Variants in KATNB1 observed in about 807,000 individuals in gnomAD.
KATNB1 encodes the protein katanin p80 WD40 repeat-containing subunit B1.
A neutral mutation model predicts 82.3 loss-of-function variants in KATNB1; 38 were observed. The observed-to-expected ratio is 0.46, with a 90% CI of 0.36 to 0.61. KATNB1 has a LOEUF of 0.61. Ranked by LOEUF, KATNB1 falls within the 20% of genes least tolerant of loss-of-function variation. The probability of loss-of-function intolerance (pLI) is 0.00; values close to 1 mark genes in which losing one functional copy is unlikely to be tolerated. For synonymous variants in KATNB1, 361 were observed against 368.7 expected, an observed-to-expected ratio of 0.98 and a Z score of 0.24; for missense variants, 749 against 915.7, an observed-to-expected ratio of 0.82 and a Z score of 2.35.
At chr16:57,752,485 A>T in intron 8 of KATNB1, 45 bp from the exon 9 acceptor site, 1 of 1,526,418 alleles carries the variant, frequency 6.6e-7, no homozygotes, top group East Asian at 2.4e-5. Context: ...TGTGGAGGCC[A>T]GGATGAGGGA....
At chr16:57,755,037 G>C (rs782177076) in intron 14 of KATNB1, 40 bp downstream of exon 14, 5 of 1,613,594 alleles carry the variant, frequency 3.1e-6, no homozygotes, top group Middle Eastern at 1.6e-4. Flanking sequence ...GCCTAGAGAA[G>C]GTCCTGACCC....
chr16:57,738,320 A>G (rs551782768), intron 2 of KATNB1, among the ~76,000 whole-genome samples: 1 of 151,296 alleles, frequency 6.6e-6, no homozygotes, highest in East Asian at 2.0e-4. Context: ...CAGTGGTGCA[A>G]TCTCAGCTCA....
Position 57,751,203 on chromosome 16 carries a change from T to C in KATNB1, c.391-58T>C. ...GTCTGCTCACGACTGCACACCTTCC[T>C]CCAGTCGTGGCTCTGACCTCTCCTG... On this transcript the variant is annotated intron_variant, in intron 5 of 19. Coordinates refer to ENST00000379661, the MANE Select transcript of KATNB1 (RefSeq NM_005886.3). The surrounding 1 kb of genome is among the most constrained non-coding windows in gnomAD (Gnocchi z 6.3). 6.5e-7 allele frequency: 1 copy of C among 1,536,528 alleles called. No homozygotes were observed. Among genetic ancestry groups the C allele is most frequent in the South Asian group, 1.1e-5 (1 of 89,428 alleles).
At chr16:57,755,718 G>A in intron 16 of KATNB1, 123 bp from the exon 17 acceptor site, 4 of 1,013,228 alleles carry the variant, frequency 3.9e-6, no homozygotes, top group Non-Finnish European at 5.7e-6. Flanking sequence ...TGCGTTAGGT[G>A]CAGTGCTGAA....
In KATNB1 at chr16:57,756,345, T is replaced by TC. The variant is rs1555586414; in HGVS notation, c.1719-6dup. 6.2e-7 allele frequency: 1 copy of TC among 1,607,858 alleles called. No individual in the cohort carries two copies. Among genetic ancestry groups the TC allele is most frequent in the African/African-American group, 1.3e-5 (1 of 74,680 alleles). On this transcript the variant is annotated splice_polypyrimidine_tract_variant and intron_variant, in intron 18 of 19. Coordinates refer to ENST00000379661, the MANE Select transcript of KATNB1 (RefSeq NM_005886.3). ...TGGTCCATCTGTGACTTCATCCATC[T>TC]CCCCCTAAAGCTACGTCCAGACGGG... is the stretch of plus-strand genomic sequence containing the variant.
rs1371345054 is a variant in KATNB1, at chr16:57,750,933, A to AGGCC, written c.390+9_390+12dup. On this transcript the variant is annotated splice_region_variant and intron_variant, in intron 5 of 19. Coordinates refer to ENST00000379661, the MANE Select transcript of KATNB1 (RefSeq NM_005886.3). Reference sequence around the variant, plus strand: ...CCCAGGACACAAACATCAAGGTGAGAGGCCGGTCCGTGCCCCGTGTCTCCT... The same window carrying AGGCC: ...CCCAGGACACAAACATCAAGGTGAGAGGCCGGCCGGTCCGTGCCCCGTGTCTCCT... The AGGCC allele has an allele frequency of 6.2e-7, 1 of 1,611,236 alleles. No individual in the cohort carries two copies. The highest frequency in any genetic ancestry group is 8.5e-7 in the Non-Finnish European group (1 of 1,177,666).
At chr16:57,736,638 G>A (rs573379239) in intron 1 of KATNB1, 1 of 208,470 alleles carries the variant, frequency 4.8e-6, no homozygotes, top group Admixed American at 5.2e-5. Context: ...CATCCCACAC[G>A]TCAGACAAAA....
intron 4 of KATNB1, among the ~76,000 whole-genome samples, chr16:57,745,958 T>C (rs2049181414): frequency 6.6e-6 from 1 of 152,222 alleles, no homozygotes; most frequent in Non-Finnish European, 1.5e-5. Context: ...GCAGCCCAGC[T>C]GTCATCCTGG....
At chr16:57,737,429 C>T in intron 2 of KATNB1, 146 bp downstream of exon 2, 1 of 894,220 alleles carries the variant, frequency 1.1e-6, no homozygotes, top group South Asian at 1.6e-5. Flanking sequence ...TTATGTAAAT[C>T]ATGACTGTGG....
Position 57,756,400 on chromosome 16 carries a change from G to C in KATNB1, c.1763G>C (p.Arg588Pro), listed in dbSNP as rs782377425. The change falls in exon 19 of 20, where the codon CGG (arginine) becomes CCG (proline). Residue 588 changes from arginine (R) to proline (P), a missense_variant. Transcript: ENST00000379661. ...ACCTCCCTGAAGCTGATCCTGCAGC[G>C]GTTTCTGCCCCTCATCACAGACATG... ...GCTSLKLILQ[R>P]FLPLITDMLA... is the part of the protein sequence containing the mutation. The C allele has an allele frequency of 6.2e-7, 1 of 1,613,994 alleles. No individual in the cohort carries two copies. The highest frequency in any genetic ancestry group is 2.2e-5 in the East Asian group (1 of 44,878).
intron 13 of KATNB1, among the ~76,000 whole-genome samples, chr16:57,754,270 G>T (rs1471908599): frequency 1.3e-5 from 2 of 152,204 alleles, no homozygotes; most frequent in African/African-American, 4.8e-5. Context: ...TCGGGCTGTG[G>T]AGGATGGAGA....
chr16:57,754,830 T>C (rs2049262190), intron 13 of KATNB1, 100 bp from the exon 14 acceptor site: 5 of 1,215,862 alleles, frequency 4.1e-6, no homozygotes, highest in Middle Eastern at 2.5e-4. Flanking sequence ...TCCTGCTCCA[T>C]CCCCCCATTG....
chr16:57,736,578 G>T (rs558106113), intron 1 of KATNB1, among the ~76,000 whole-genome samples: 1 of 152,266 alleles, frequency 6.6e-6, no homozygotes, highest in Non-Finnish European at 1.5e-5. Context: ...GGCCGTCTCT[G>T]GGATGCCTTT....
At chr16:57,748,240 A>G (rs782150577) in intron 4 of KATNB1, among the ~76,000 whole-genome samples, 3 of 152,094 alleles carry the variant, frequency 2.0e-5, no homozygotes, top group Non-Finnish European at 4.4e-5. Context: ...AGGTAGAGCT[A>G]AGACCTCCGG....
intron 13 of KATNB1, among the ~76,000 whole-genome samples, chr16:57,754,299 C>T (rs2049257960): frequency 6.6e-6 from 1 of 152,180 alleles, no homozygotes; most frequent in Non-Finnish European, 1.5e-5. Flanking sequence ...TGGGGGCCCA[C>T]CTTAGATGGG....
chr16:57,755,938 AGTG>A, intron 17 of KATNB1, 21 bp downstream of exon 17: 1 of 1,602,266 alleles, frequency 6.2e-7, no homozygotes, highest in East Asian at 2.2e-5. Flanking sequence ...GCAGAGGGGG[AGTG>A]GGCGGAGGGG....
chr16:57,746,941 G>A (rs1030275984), intron 4 of KATNB1, among the ~76,000 whole-genome samples: 13 of 152,158 alleles, frequency 8.5e-5, no homozygotes, highest in Non-Finnish European at 1.5e-4. Context: ...GAGTGCAGTG[G>A]TGTAATCTCA....
intron 2 of KATNB1, 112 bp from the exon 3 acceptor site, chr16:57,741,575 A>G: frequency 8.5e-7 from 1 of 1,173,244 alleles, no homozygotes; most frequent in Non-Finnish European, 1.2e-6. Context: ...AAGGAGGCAG[A>G]TCCTTCCACT....
At chr16:57,754,125 C>T in intron 13 of KATNB1, 130 bp downstream of exon 13, 1 of 753,728 alleles carries the variant, frequency 1.3e-6, no homozygotes, top group Non-Finnish European at 2.3e-6. Context: ...CACACCCTCT[C>T]CCGCTGGGTC....
Sources: allele counts gnomAD v4.1 joint callset (sites outside exome capture counted in the v4.1 genomes callset), GRCh38; gene constraint gnomAD v4.1.1; non-coding constraint Gnocchi (gnomAD v3.1); transcripts MANE v1.5; gene names NCBI Gene and HGNC (gene_info 2026-07-23, HGNC 2026-07-21).